The following MDN1 variants were observed in gnomAD, a reference collection of about 807,000 sequenced individuals.
The protein encoded by MDN1 is midasin AAA ATPase 1, also known as midasin.
MDN1 carries 266 observed loss-of-function variants against 669.2 expected under a neutral mutation model. That is an observed-to-expected ratio of 0.40 (90% CI 0.36 to 0.44). The LOEUF is 0.44. Among genes scored for constraint, MDN1 ranks in the 20% least tolerant of loss-of-function variants. MDN1 has a pLI of 1.00. For missense variants in MDN1, 5,940 were observed against 6,754.0 expected, an observed-to-expected ratio of 0.88 and a Z score of 4.22; for synonymous variants, 2,385 against 2,457.1, an observed-to-expected ratio of 0.97 and a Z score of 0.87.
Position 89,686,981 on chromosome 6 carries a change from G to A in MDN1, c.11493C>T (p.Thr3831=), listed in dbSNP as rs548489467. 1.6e-5 allele frequency: 26 copies of A among 1,613,850 alleles called. No individual in the cohort carries two copies. Among genetic ancestry groups the A allele is most frequent in the African/African-American group, 4.0e-5 (3 of 74,978 alleles). Residue 3831 remains threonine (T), a synonymous_variant, in exon 69 of 102, where the codon ACC becomes ACT. Transcript: ENST00000369393. ...MSLDNTMKRH[T]EKSTKHWFSI... Reference sequence around the variant, plus strand: ...AGAACCAGTGCTTGGTGGATTTCTCGGTGTGGCGCTTCATAGTATTATCCA... The same window carrying A: ...AGAACCAGTGCTTGGTGGATTTCTCAGTGTGGCGCTTCATAGTATTATCCA...
chr6:89,692,983 C>T lies in MDN1; in HGVS notation c.10047G>A (p.Arg3349=). 1.2e-6 allele frequency: 2 copies of T among 1,614,132 alleles called. No homozygotes were observed. Among genetic ancestry groups the T allele is most frequent in the Non-Finnish European group, 1.7e-6 (2 of 1,180,006 alleles). Residue 3349 remains arginine, a synonymous_variant, in exon 63 of 102, where the codon CGG becomes CGA. Coordinates refer to ENST00000369393, the MANE Select transcript of MDN1 (RefSeq NM_014611.3). ...CATCTATGTGGAGGGCCTGCAGAAG[C>T]CGTGTGAGCAGATCCTGAACAGCAG... ...KAPAVQDLLT[R]LLQALHIDGP...
chr6:89,810,012 A>AT (rs1562242822), intron 1 of MDN1, among the ~76,000 whole-genome samples: 28 of 147,516 alleles, frequency 1.9e-4, no homozygotes, highest in Admixed American at 4.1e-4. Context: ...AAAAAAAAAA[A>AT]AAAAAAAAAA....
chr6:89,742,127 T>G (rs1342471526), intron 31 of MDN1, among the ~76,000 whole-genome samples: 1 of 150,154 alleles, frequency 6.7e-6, no homozygotes, highest in African/African-American at 2.5e-5. Flanking sequence ...AACCCTAGCC[T>G]CCAGGACGGG....
At chr6:89,670,006 C>T (rs918056223) in intron 83 of MDN1, among the ~76,000 whole-genome samples, 1 of 151,094 alleles carries the variant, frequency 6.6e-6, no homozygotes, top group African/African-American at 2.4e-5. Context: ...AGATCGAGAC[C>T]GTCCTGGCCA....
rs2128308078 is a variant in MDN1, at chr6:89,690,827, A to C, written c.10595T>G (p.Ile3532Ser). 1 of 1,613,836 alleles carries C rather than the reference A, an allele frequency of 6.2e-7. No homozygotes were observed. Among genetic ancestry groups the C allele is most frequent in the East Asian group, 2.2e-5 (1 of 44,872 alleles). Reference protein sequence around the residue: ...QLFRHVCQEIISEWDEQERIA... With the variant: ...QLFRHVCQEISSEWDEQERIA... ...GCGTTCCTGCTCATCCCACTCACTG[A>C]TGATTTCCTGAAAGTCACACAGACA... Residue 3532 changes from isoleucine (I) to serine (S), a missense_variant, in exon 64 of 102, where the codon ATC (isoleucine) becomes AGC (serine). Ile to Ser is a moderately radical substitution (Grantham distance 142, BLOSUM62 -2). Coordinates refer to ENST00000369393, the MANE Select transcript of MDN1 (RefSeq NM_014611.3).
At chr6:89,777,627 G>A (rs772288468) in intron 11 of MDN1, among the ~76,000 whole-genome samples, 200 of 152,088 alleles carry the variant, frequency 1.3e-3, no homozygotes, top group Non-Finnish European at 2.2e-3. Flanking sequence ...GTGGCCAGAG[G>A]TCACAAGACT....
intron 8 of MDN1, 143 bp from the exon 9 acceptor site, chr6:89,785,269 G>C: frequency 5.0e-6 from 3 of 603,348 alleles, no homozygotes; most frequent in East Asian, 2.8e-5. Context: ...TACACTGTTG[G>C]GCTTACAGGG....
intron 33 of MDN1, among the ~76,000 whole-genome samples, chr6:89,735,232 C>G (rs1358032031): frequency 6.6e-6 from 1 of 151,608 alleles, no homozygotes; most frequent in Admixed American, 6.6e-5. Context: ...AAAGTATTGA[C>G]TAATGTACCA....
rs1466111197 is a variant in MDN1 at position 89,750,384 on chromosome 6, C to T, written c.3376G>A (p.Asp1126Asn). ...TTAAAGACAAGCTTCCCTGAGGAGT[C>T]AGACGTGTAACAACCAATGTACTCC... ...IQEYIGCYTS[D>N]SSGKLVFKEG... The change falls in exon 24 of 102, where the codon GAC becomes AAC. Residue 1126 changes from aspartate to asparagine, a missense_variant. Asp to Asn is a conservative substitution (Grantham distance 23). This residue lies in a region of MDN1 where 2,292 missense variants were observed against 2,638.3 expected (regional missense o/e 0.87). Transcript: ENST00000369393. 2 of 1,612,372 alleles carry T rather than the reference C, an allele frequency of 1.2e-6. No individual in the cohort carries two copies. The highest frequency in any genetic ancestry group is 1.7e-6 in the Non-Finnish European group (2 of 1,178,614).
At chr6:89,808,208 C>T (rs967993522) in intron 1 of MDN1, among the ~76,000 whole-genome samples, 9 of 151,924 alleles carry the variant, frequency 5.9e-5, no homozygotes, top group Non-Finnish European at 1.3e-4. Context: ...GACTTTTCTC[C>T]TGGCAATGAG....
chr6:89,674,319 A>T lies in MDN1; in HGVS notation c.13032T>A (p.Leu4344=). ...GAATTAGGTCCAGCACTACTCCACA[A>T]AGTTGTCCCTTGCTAAGTTCTGGTC... ...LEGPELSKGQ[L]CGVVLDLIPS... Residue 4344 remains leucine, a synonymous_variant, in exon 79 of 102, where the codon CTT becomes CTA. Coordinates refer to ENST00000369393, the MANE Select transcript of MDN1 (RefSeq NM_014611.3). 6.2e-7 allele frequency: 1 copy of T among 1,614,206 alleles called. No individual in the cohort carries two copies. The highest frequency in any genetic ancestry group is 1.7e-5 in the Admixed American group (1 of 60,030).
chr6:89,665,818 T>C (rs950940816), intron 84 of MDN1, among the ~76,000 whole-genome samples: 8 of 151,836 alleles, frequency 5.3e-5, no homozygotes, highest in Non-Finnish European at 1.0e-4. Flanking sequence ...GGCGGGCAGA[T>C]CACTTGAGGT....
At position 89,718,858 on chromosome 6, in the gene MDN1, T is replaced by G; in HGVS notation, c.6230A>C (p.Gln2077Pro). 2 of 1,614,182 alleles carry G rather than the reference T, an allele frequency of 1.2e-6. No individual in the cohort carries two copies. Among genetic ancestry groups the G allele is most frequent in the Non-Finnish European group, 1.7e-6 (2 of 1,180,040 alleles). Residue 2077 changes from glutamine (Q) to proline (P), a missense_variant, in exon 42 of 102, where the codon CAG (glutamine) becomes CCG (proline). By Grantham distance (76) the Gln-to-Pro change is moderately conservative (BLOSUM62 -1). Transcript: ENST00000369393. ...GTGGCCAGTAAGGTGTGCCAGAAGCTGGACCAGGCTGGTCTTGCCCACAGA... is the reference window on the plus strand; with the variant it reads ...GTGGCCAGTAAGGTGTGCCAGAAGCGGGACCAGGCTGGTCTTGCCCACAGA... Reference protein sequence around the residue: ...PASVGKTSLVQLLAHLTGHTL... With the variant: ...PASVGKTSLVPLLAHLTGHTL...
chr6:89,776,826 G>T, intron 11 of MDN1, 131 bp from the exon 12 acceptor site: 1 of 619,838 alleles, frequency 1.6e-6, no homozygotes, highest in African/African-American at 1.9e-5. Context: ...AATGAAGGGA[G>T]TGCAAATAAG....
chr6:89,690,144 C>T lies in MDN1; in HGVS notation c.10750-1G>A. The T allele has an allele frequency of 6.2e-7, 1 of 1,613,432 alleles. No homozygotes were observed. Among genetic ancestry groups the T allele is most frequent in the Non-Finnish European group, 8.5e-7 (1 of 1,179,620 alleles). On this transcript the variant is annotated splice_acceptor_variant, in intron 64 of 101. Transcript: ENST00000369393. LOFTEE classifies it high-confidence loss of function. Reference sequence around the variant, plus strand: ...GCTGCACCAAAATATCTGCAAAGTCCTATAAATAGCATTAGAGCAATTGAA... The same window carrying T: ...GCTGCACCAAAATATCTGCAAAGTCTTATAAATAGCATTAGAGCAATTGAA...
chr6:89,714,762 A>G lies in MDN1; in HGVS notation c.6861-11T>C. The G allele has an allele frequency of 6.2e-7, 1 of 1,600,572 alleles. No homozygotes were observed. Among genetic ancestry groups the G allele is most frequent in the Non-Finnish European group, 8.5e-7 (1 of 1,172,930 alleles). On this transcript the variant is annotated splice_polypyrimidine_tract_variant and intron_variant, in intron 45 of 101. Coordinates refer to ENST00000369393, the MANE Select transcript of MDN1 (RefSeq NM_014611.3). ...ATCGAGAGGAAAAGTCTAGAAAAAT[A>G]GCAATTCAAAGAAAAAAATGATTTT...
chr6:89,685,673 C>G (rs1811955587), intron 70 of MDN1, among the ~76,000 whole-genome samples, 154 bp downstream of exon 70: 1 of 152,198 alleles, frequency 6.6e-6, no homozygotes, highest in Non-Finnish European at 1.5e-5. Flanking sequence ...TTTGAATGTT[C>G]TTCTCTATAT....
intron 82 of MDN1, 138 bp from the exon 83 acceptor site, chr6:89,671,218 T>C: frequency 4.4e-6 from 4 of 913,362 alleles, no homozygotes; most frequent in Non-Finnish European, 6.4e-6. Context: ...TACATGTATG[T>C]GTTTGTAACC....
chr6:89,677,210 G>A (rs934550632), intron 76 of MDN1, among the ~76,000 whole-genome samples: 5 of 151,674 alleles, frequency 3.3e-5, no homozygotes, highest in Admixed American at 1.3e-4. Flanking sequence ...TCCTTGCCTC[G>A]GCCTCCTGAG....
Sources: allele counts gnomAD v4.1 joint callset (sites outside exome capture counted in the v4.1 genomes callset), GRCh38; gene constraint gnomAD v4.1.1; regional missense constraint gnomAD v4.1.1; transcripts MANE v1.5; gene names NCBI Gene and HGNC (gene_info 2026-07-23, HGNC 2026-07-21).